The following ELF2 variants were observed in gnomAD, a reference collection of about 807,000 sequenced individuals.
ELF2 encodes ETS-related transcription factor Elf-2.
In ELF2, 11 loss-of-function variants were observed where a neutral mutation model predicts 54.8. That is an observed-to-expected ratio of 0.20 (90% CI 0.13 to 0.33). ELF2 has a LOEUF of 0.33. Ranked by LOEUF, ELF2 falls within the 10% of genes least tolerant of loss-of-function variation. The pLI, the probability that ELF2 is intolerant of heterozygous loss-of-function variation, is 1.00. For missense variants in ELF2, 513 were observed against 703.0 expected, an observed-to-expected ratio of 0.73 and a Z score of 3.06; for synonymous variants, 203 against 245.1, an observed-to-expected ratio of 0.83 and a Z score of 1.61.
At chr4:139,106,022 A>C (rs1449470198) in intron 4 of ELF2, among the ~76,000 whole-genome samples, 1 of 152,240 alleles carries the variant, frequency 6.6e-6, no homozygotes, top group Non-Finnish European at 1.5e-5. Flanking sequence ...TCTGTATTTT[A>C]ACAAGCCCTT....
At chr4:139,084,199 CG>C (rs771840679) in intron 4 of ELF2, 1 of 1,613,210 alleles carries the variant, frequency 6.2e-7, no homozygotes, top group African/African-American at 1.3e-5. Context: ...ATGTTTATCC[CG>C]GGGCTGGAGC....
intron 1 of ELF2, among the ~76,000 whole-genome samples, chr4:139,160,752 C>T (rs548063586): frequency 5.9e-4 from 89 of 152,098 alleles, no homozygotes; most frequent in African/African-American, 1.9e-3. Context: ...CACTTGAGAT[C>T]GGGAGTTTGA....
intron 7 of ELF2, 181 bp downstream of exon 7, chr4:139,067,503 T>C (rs988135710): frequency 8.8e-6 from 5 of 570,694 alleles, no homozygotes; most frequent in Non-Finnish European, 1.5e-5. Flanking sequence ...GTGTAGGAAC[T>C]GGGCACAGAT....
intron 4 of ELF2, among the ~76,000 whole-genome samples, chr4:139,079,266 CTTTG>C (rs1237975311): frequency 1.3e-5 from 2 of 152,070 alleles, no homozygotes; most frequent in African/African-American, 4.8e-5. Flanking sequence ...AAGTAAGTAG[CTTTG>C]TTTTTTACAT....
intron 2 of ELF2, 59 bp from the exon 3 acceptor site, chr4:139,137,926 A>G: frequency 8.7e-7 from 1 of 1,155,530 alleles, no homozygotes; most frequent in Non-Finnish European, 1.1e-6. Context: ...ACATAAATAA[A>G]GCATAACTTA....
intron 4 of ELF2, among the ~76,000 whole-genome samples, chr4:139,105,348 C>T (rs138351245): frequency 4.0e-4 from 61 of 152,264 alleles, no homozygotes; most frequent in Non-Finnish European, 7.1e-4. Flanking sequence ...CATTGTAGCC[C>T]CGTGCCTTAA....
chr4:139,109,913 T>G (rs544192899), intron 4 of ELF2, among the ~76,000 whole-genome samples: 3 of 152,150 alleles, frequency 2.0e-5, no homozygotes, highest in African/African-American at 4.8e-5. Flanking sequence ...ATGGGATCAA[T>G]AGAAGCCCAA....
At chr4:139,070,806 C>T (rs1304755260) in intron 6 of ELF2, among the ~76,000 whole-genome samples, 1 of 152,188 alleles carries the variant, frequency 6.6e-6, no homozygotes, top group Non-Finnish European at 1.5e-5. Context: ...AGTGGGAAGA[C>T]ACTGTCTTAT....
At chr4:139,113,421 C>A (rs930290994) in intron 4 of ELF2, among the ~76,000 whole-genome samples, 8 of 152,012 alleles carry the variant, frequency 5.3e-5, no homozygotes, top group Admixed American at 1.3e-4. Context: ...TCTGGGAGGG[C>A]GCGGTGGTGG....
intron 1 of ELF2, among the ~76,000 whole-genome samples, chr4:139,158,185 C>T (rs1372536229): frequency 1.3e-5 from 2 of 152,022 alleles, no homozygotes; most frequent in Non-Finnish European, 2.9e-5. Context: ...TCACCAGGTG[C>T]TCAGTGGGGG....
chr4:139,156,899 G>A (rs560500009), intron 1 of ELF2, among the ~76,000 whole-genome samples: 1 of 152,080 alleles, frequency 6.6e-6, no homozygotes, highest in Admixed American at 6.6e-5. Flanking sequence ...CTCCCAAAGC[G>A]CTGGGATTTC....
At chr4:139,082,482 G>A (rs935510967) in intron 4 of ELF2, among the ~76,000 whole-genome samples, 2 of 152,100 alleles carry the variant, frequency 1.3e-5, no homozygotes, top group African/African-American at 4.8e-5. Context: ...ATTTTCCTTT[G>A]GAACCTCTGA....
chr4:139,107,211 G>A (rs186779730), intron 4 of ELF2, among the ~76,000 whole-genome samples: 23 of 152,082 alleles, frequency 1.5e-4, no homozygotes, highest in Admixed American at 1.1e-3. Flanking sequence ...ACTGACCACT[G>A]AATTTAAAAA....
At chr4:139,124,268 C>A (rs1417497594) in intron 4 of ELF2, among the ~76,000 whole-genome samples, 2 of 152,184 alleles carry the variant, frequency 1.3e-5, no homozygotes, top group Admixed American at 1.3e-4. Flanking sequence ...AGGTAACTTT[C>A]AATCCCTTAG....
chr4:139,160,792 G>A (rs146529850), intron 1 of ELF2, among the ~76,000 whole-genome samples: 6 of 151,888 alleles, frequency 4.0e-5, no homozygotes, highest in East Asian at 1.9e-4. Context: ...CTGAAACCCC[G>A]ACTCTACTAA....
Position 139,114,561 on chromosome 4 carries a change from T to TCCAGTCTCTCACACA in ELF2, c.238+10602_238+10603insTGTGTGAGAGACTGG, listed in dbSNP as rs70940492. Among the ~76,000 whole-genome samples, 27 of 108,644 alleles carry TCCAGTCTCTCACACA rather than the reference T, an allele frequency of 2.5e-4. No homozygotes were observed. In the South Asian group the frequency reaches 7.8e-3, roughly 31 times the overall value. 71.3% of individuals were successfully genotyped at this position (108,644 alleles called of 152,430 possible). ...CTGGCAACAGAGCGAGACTTCAGTC[T>TCCAGTCTCTCACACA]CACACACACACACACACACACACAC... On this transcript the variant is annotated intron_variant, in intron 4 of 9. Transcript: ENST00000686138.
At chr4:139,176,711 C>T (rs1742985306) in intron 1 of ELF2, among the ~76,000 whole-genome samples, 1 of 151,764 alleles carries the variant, frequency 6.6e-6, no homozygotes, top group Non-Finnish European at 1.5e-5. Context: ...TCCCCGCGGG[C>T]AGGCGCGCAG....
In ELF2 at chr4:139,121,095, A is replaced by ATT. The variant is rs10711256; in HGVS notation, c.238+4067_238+4068dup. 2.5e-3 allele frequency among the ~76,000 whole-genome samples: 164 copies of ATT among 65,088 alleles called. 13 individuals carry two copies. Among genetic ancestry groups the ATT allele is most frequent in the African/African-American group, 3.1e-3 (41 of 13,092 alleles). 42.7% of individuals were successfully genotyped at this position (65,088 alleles called of 152,430 possible). The stretch of plus-strand genomic sequence containing the variant: ...GCTTTGTATTTTGAATATAACACAG[A>ATT]TTTTTTTTTTTTTTTTTTTTTTTTT... On this transcript the variant is annotated intron_variant, in intron 4 of 9. Coordinates refer to ENST00000686138, the MANE Select transcript of ELF2 (RefSeq NM_001331036.3).
intron 1 of ELF2, among the ~76,000 whole-genome samples, chr4:139,143,874 A>G (rs1277471229): frequency 6.6e-6 from 1 of 152,138 alleles, no homozygotes; most frequent in Non-Finnish European, 1.5e-5. Flanking sequence ...AGGCTCAGAA[A>G]AGACCTGAGA....
Sources: allele counts gnomAD v4.1 joint callset (sites outside exome capture counted in the v4.1 genomes callset), GRCh38; gene constraint gnomAD v4.1.1; transcripts MANE v1.5; gene names NCBI Gene and HGNC (gene_info 2026-07-23, HGNC 2026-07-21).